ZNF721: variants seen among roughly 807,000 people sequenced by gnomAD.
ZNF721 encodes the protein zinc finger protein 721.
Under a neutral mutation model 2.4 loss-of-function variants are expected in ZNF721, and 2 were observed. The observed-to-expected ratio is 0.82, with a 90% CI of 0.34 to 2.58. ZNF721 has a LOEUF of 2.58. Among genes scored for constraint, ZNF721 ranks in the 30% most tolerant of loss-of-function variants. The probability of loss-of-function intolerance (pLI) is 0.11; values close to 1 mark genes in which losing one functional copy is unlikely to be tolerated. For synonymous variants in ZNF721, 398 were observed against 381.8 expected (o/e 1.04, Z -0.50); for missense variants, 1,187 against 1,085.5 (o/e 1.09, Z -1.31).
At chr4:448,318 C>T (rs935285245) in intron 2 of ZNF721, among the ~76,000 whole-genome samples, 6 of 152,002 alleles carry the variant, frequency 3.9e-5, no homozygotes, top group Middle Eastern at 3.4e-3. Context: ...TGACTGTAGT[C>T]CCAGCTACTG....
At chr4:452,975 T>C (rs1356140250) in intron 2 of ZNF721, among the ~76,000 whole-genome samples, 1 of 152,168 alleles carries the variant, frequency 6.6e-6, no homozygotes, top group Non-Finnish European at 1.5e-5. Context: ...GTACAAAACT[T>C]GCCAGCTCAG....
intron 2 of ZNF721, among the ~76,000 whole-genome samples, chr4:457,046 GTACT>G (rs1714870965): frequency 6.6e-6 from 1 of 152,132 alleles, no homozygotes; most frequent in African/African-American, 2.4e-5. Context: ...CTCTGACTAT[GTACT>G]TAATGAAGAT....
At chr4:459,044 C>A (rs1714935920) in intron 2 of ZNF721, among the ~76,000 whole-genome samples, 1 of 152,180 alleles carries the variant, frequency 6.6e-6, no homozygotes, top group African/African-American at 2.4e-5. Flanking sequence ...AATTTCATAT[C>A]CAGCCAAACC....
At chr4:474,094 G>A in intron 1 of ZNF721, 1 of 1,334,344 alleles carries the variant, frequency 7.5e-7, no homozygotes, top group Non-Finnish European at 1.0e-6. Context: ...CCTCCCTGAG[G>A]TGTGGAAGCA....
chr4:452,448 T>G (rs868947551), intron 2 of ZNF721, among the ~76,000 whole-genome samples: 2 of 151,658 alleles, frequency 1.3e-5, no homozygotes, highest in Non-Finnish European at 3.0e-5. Flanking sequence ...TGTGGAGACA[T>G]CATATGCCCC....
In ZNF721 at chr4:440,539, T is replaced by C. The variant is rs1294279455; in HGVS notation, c.*1156A>G. On this transcript the variant is annotated 3_prime_UTR_variant, in exon 3 of 3. Coordinates refer to ENST00000511833, the MANE Select transcript of ZNF721 (RefSeq NM_133474.4). The stretch of plus-strand genomic sequence containing the variant: ...TGATTTATTTTAAAGTCTGAAGTGT[T>C]AGTTCCTTAGTTCTTTCTACTGTAA... The C allele has an allele frequency of 6.6e-6, 1 of 152,242 alleles. No individual in the cohort carries two copies. Among genetic ancestry groups the C allele is most frequent in the African/African-American group, 2.4e-5 (1 of 41,474 alleles). The allele number at this position is 152,242 out of a possible 1,614,324, so 9.4% of individuals were successfully genotyped here.
At chr4:454,309 G>A (rs781992055) in intron 2 of ZNF721, among the ~76,000 whole-genome samples, 7 of 152,296 alleles carry the variant, frequency 4.6e-5, no homozygotes, top group Non-Finnish European at 8.8e-5. Flanking sequence ...ATTCTCCCCT[G>A]CTGCTGGTAC....
chr4:442,175 C>A lies in ZNF721; in HGVS notation c.2292G>T (p.Gln764His). 4.3e-6 allele frequency: 7 copies of A among 1,612,510 alleles called. No individual in the cohort carries two copies. The highest frequency in any genetic ancestry group is 5.9e-6 in the Non-Finnish European group (7 of 1,178,914). Residue 764 changes from glutamine to histidine, a missense_variant, in exon 3 of 3, where the codon CAG (glutamine) becomes CAT (histidine). Coordinates refer to ENST00000511833, the MANE Select transcript of ZNF721 (RefSeq NM_133474.4). ...TCTCATGTCTATTCAGGTGTGAGGA[C>A]TGTTTAAACACTTTCCCACATTCTT... Reference protein sequence around the residue: ...KCKECGKVFKQSSHLNRHEKI... With the variant: ...KCKECGKVFKHSSHLNRHEKI...
chr4:480,456 T>C (rs112550984), intron 1 of ZNF721, among the ~76,000 whole-genome samples: 2,067 of 152,304 alleles, frequency 0.014, 19 homozygotes, highest in Middle Eastern at 0.058. Flanking sequence ...ATGTGTACAG[T>C]TTAGTAGTGC....
chr4:450,945 AAAAAAAAAAAAATATATAT>A (rs1462350712), intron 2 of ZNF721, among the ~76,000 whole-genome samples: 1 of 38,786 alleles, frequency 2.6e-5, no homozygotes. Context: ...TCCAAAAAAA[AAAAAAAAAAAAATATATAT>A]ATATATATAT....
intron 2 of ZNF721, among the ~76,000 whole-genome samples, chr4:455,793 A>G (rs1368719759): frequency 6.6e-6 from 1 of 152,188 alleles, no homozygotes; most frequent in South Asian, 2.1e-4. Flanking sequence ...GACAAAATGT[A>G]GAGATCCATT....
chr4:487,787 A>C (rs1553870775), intron 1 of ZNF721, among the ~76,000 whole-genome samples: 1 of 152,166 alleles, frequency 6.6e-6, no homozygotes, highest in Non-Finnish European at 1.5e-5. Context: ...ACAAGAAAAA[A>C]CACCAAGGTC....
chr4:473,028 A>G (rs1715487963), intron 1 of ZNF721, among the ~76,000 whole-genome samples: 1 of 152,052 alleles, frequency 6.6e-6, no homozygotes, highest in Non-Finnish European at 1.5e-5. Context: ...TGGCCTTGCT[A>G]TAATATGCGA....
intron 2 of ZNF721, among the ~76,000 whole-genome samples, chr4:465,096 A>C (rs1358072084): frequency 1.4e-5 from 2 of 144,780 alleles, no homozygotes; most frequent in African/African-American, 2.6e-5. Flanking sequence ...AAAAAAAAAA[A>C]CAGCAGCTGG....
intron 1 of ZNF721, among the ~76,000 whole-genome samples, chr4:476,105 A>G (rs1192200370): frequency 6.6e-6 from 1 of 152,186 alleles, no homozygotes; most frequent in African/African-American, 2.4e-5. Context: ...GATACCACTG[A>G]ATTCTGCTTC....
intron 1 of ZNF721, among the ~76,000 whole-genome samples, chr4:486,260 G>A (rs549521493): frequency 9.5e-4 from 143 of 151,188 alleles, no homozygotes; most frequent in Non-Finnish European, 1.5e-3. Flanking sequence ...CTGGGTTCAC[G>A]TGATTCTCCT....
At chr4:487,406 C>A (rs773084073) in intron 1 of ZNF721, among the ~76,000 whole-genome samples, 3 of 152,166 alleles carry the variant, frequency 2.0e-5, no homozygotes, top group African/African-American at 7.2e-5. Flanking sequence ...CTCCCAGAAG[C>A]GGAGCCACCT....
Position 443,198 on chromosome 4 carries a change from G to C in ZNF721, c.1269C>G (p.Gly423=). The change falls in exon 3 of 3, where the codon GGC becomes GGG. Residue 423 remains glycine (G), a synonymous_variant. Transcript: ENST00000511833. ...GGTTTGTGGACAATCCAAAGGCTCT[G>C]CCACGATCTTCACATGTGTAGGGTT... ...REKPYTCEDR[G]RAFGLSTNLN... 2 of 1,613,758 alleles carry C rather than the reference G, an allele frequency of 1.2e-6. No individual in the cohort carries two copies. The highest frequency in any genetic ancestry group is 1.7e-6 in the Non-Finnish European group (2 of 1,179,846).
At chr4:495,855 G>A (rs1171728823) in intron 1 of ZNF721, among the ~76,000 whole-genome samples, 1 of 152,008 alleles carries the variant, frequency 6.6e-6, no homozygotes, top group Non-Finnish European at 1.5e-5. Flanking sequence ...GCCCACCTCG[G>A]CCTCCCAAAA....
Sources: gnomAD v4.1 joint callset for allele counts (sites outside exome capture counted in the v4.1 genomes callset) on GRCh38, gnomAD v4.1.1 for gene constraint, MANE v1.5 for transcripts, NCBI Gene and HGNC (gene_info 2026-07-23, HGNC 2026-07-21) for gene names.